Variants in MSH6 observed in about 807,000 individuals in gnomAD.
MSH6 encodes DNA mismatch repair protein Msh6.
MSH6 carries 85 observed loss-of-function variants against 119.1 expected under a neutral mutation model. The observed-to-expected ratio is 0.71, with a 90% CI of 0.60 to 0.85. MSH6 has a LOEUF of 0.85. Ranked by LOEUF, MSH6 falls within the 40% of genes least tolerant of loss-of-function variation. The pLI is 0.00. For missense variants in MSH6, 2,163 were observed against 1,655.3 expected (o/e 1.31, Z -5.32); for synonymous variants, 830 against 586.9 (o/e 1.41, Z -5.99).
Position 47,806,656 on chromosome 2 carries a change from C to CTT in MSH6, c.4001+6_4001+7insTT. The CTT allele has an allele frequency of 6.3e-7, 1 of 1,599,784 alleles. No individual in the cohort carries two copies. The highest frequency in any genetic ancestry group is 1.1e-5 in the South Asian group (1 of 90,670). ...TCAGTCACTACGATTATTTCGGTAACTAACTAACTATAATGGAATTATAAC... is the reference window on the plus strand; with the variant it reads ...TCAGTCACTACGATTATTTCGGTAACTTTAACTAACTATAATGGAATTATAAC... On this transcript the variant is annotated splice_donor_region_variant and intron_variant, in intron 9 of 9. Transcript: ENST00000234420.
chr2:47,791,141 C>A lies in MSH6; in HGVS notation c.457+18C>A. ...ATATACAGGTAAGAGTCACTACTGC[C>A]ATGTGTGTGTGTTTGTGTGTGTGTG... On this transcript the variant is annotated intron_variant, in intron 2 of 9. Coordinates refer to ENST00000234420, the MANE Select transcript of MSH6 (RefSeq NM_000179.3). The A allele has an allele frequency of 6.2e-7, 1 of 1,604,318 alleles. No homozygotes were observed. The highest frequency in any genetic ancestry group is 8.5e-7 in the Non-Finnish European group (1 of 1,172,096).
downstream of MSH6, chr2:47,809,866 G>C: frequency 1.8e-6 from 1 of 556,728 alleles, no homozygotes. Flanking sequence ...ACCACCAACA[G>C]TAACATTCAC....
chr2:47,809,821 A>C (rs984049511), downstream of MSH6: 2 of 642,274 alleles, frequency 3.1e-6, no homozygotes, highest in Non-Finnish European at 5.4e-6. Flanking sequence ...TAACCCTCTT[A>C]ATGTCTACTG....
At chr2:47,807,709 A>G (rs1336431863), downstream of MSH6, 1 of 235,768 alleles carries the variant, frequency 4.2e-6, no homozygotes, top group Non-Finnish European at 8.4e-6. Flanking sequence ...GCTAGCTCAC[A>G]TTTTTACCAT....
Position 47,791,008 on chromosome 2 carries a change from C to T in MSH6, c.342C>T (p.Pro114=), listed in dbSNP as rs1057520438. Residue 114 remains proline (P), a synonymous_variant, in exon 2 of 10, where the codon CCC becomes CCT. Coordinates refer to ENST00000234420, the MANE Select transcript of MSH6 (RefSeq NM_000179.3). ...GGCCTTGTCTGGTTTACAACCACCC[C>T]TTTGATGGAACATTCATCCGCGAGA... ...PWWPCLVYNH[P]FDGTFIREKG... The T allele has an allele frequency of 6.2e-7, 1 of 1,614,226 alleles. No homozygotes were observed. Among genetic ancestry groups the T allele is most frequent in the African/African-American group, 1.3e-5 (1 of 75,044 alleles).
intron 3 of MSH6, among the ~76,000 whole-genome samples, chr2:47,797,638 C>T (rs3136328): frequency 6.6e-6 from 1 of 152,228 alleles, no homozygotes; most frequent in Non-Finnish European, 1.5e-5. Context: ...GCAGCAATCA[C>T]TTAATCTTGT....
rs59056100 is a variant in MSH6 at position 47,806,751 on chromosome 2, CTTTTTTTTTTTTTTT to C, written c.4002-24_4002-10del. The C allele has an allele frequency of 6.9e-7, 1 of 1,444,230 alleles. No individual in the cohort carries two copies. The highest frequency in any genetic ancestry group is 9.4e-7 in the Non-Finnish European group (1 of 1,068,322). The allele number at this position is 1,444,230 out of a possible 1,614,324, so 89.5% of individuals were successfully genotyped here. A position where few individuals can be genotyped will look rare whatever the true frequency, so the allele number is the denominator to read the frequency against. ...GATGCACTATGAAAAAACAAAAAAA[CTTTTTTTTTTTTTTT>C]TTTAATTTTAAGGGAAGTTTGCCTG... On this transcript the variant is annotated splice_polypyrimidine_tract_variant and intron_variant, in intron 9 of 9. Coordinates refer to ENST00000234420, the MANE Select transcript of MSH6 (RefSeq NM_000179.3).
At chr2:47,784,114 C>T (rs2103958758) in intron 1 of MSH6, 1 of 1,004,220 alleles carries the variant, frequency 1.0e-6, no homozygotes, top group South Asian at 4.7e-5. Flanking sequence ...AGGTGAGGGG[C>T]CGCCGAGGGG....
At chr2:47,797,784 C>T (rs968983042) in intron 3 of MSH6, 76 of 200,418 alleles carry the variant, frequency 3.8e-4, no homozygotes, top group African/African-American at 1.7e-3. Context: ...ATGTTATTGT[C>T]TTCATAGTAA....
chr2:47,808,163 A>G (rs147423018), downstream of MSH6: 10 of 1,613,350 alleles, frequency 6.2e-6, no homozygotes, highest in Non-Finnish European at 8.5e-6. Flanking sequence ...GAGCAGAGTC[A>G]TATAGTGTAT....
chr2:47,807,486 G>A (rs542370649), downstream of MSH6: 2 of 206,732 alleles, frequency 9.7e-6, no homozygotes, highest in African/African-American at 4.6e-5. Context: ...TATAATTTAA[G>A]ATTAGTGTTT....
At chr2:47,793,937 G>C (rs180876358) in intron 2 of MSH6, among the ~76,000 whole-genome samples, 1 of 151,770 alleles carries the variant, frequency 6.6e-6, no homozygotes, top group Non-Finnish European at 1.5e-5. Flanking sequence ...TCACCACGTT[G>C]TCCAGGCTGG....
chr2:47,783,417 C>T lies in MSH6; in HGVS notation c.184C>T (p.Arg62Cys), dbSNP rs876659508. The stretch of plus-strand genomic sequence containing the variant: ...TGGGCCTGGGCCCAGGCCCTTGGCG[C>T]GCTCCGCGTCACCGCCCAAGGCGAA... Reference protein sequence around the residue: ...EAGPGPRPLARSASPPKAKNL... With the variant: ...EAGPGPRPLACSASPPKAKNL... Residue 62 changes from arginine to cysteine, a missense_variant, in exon 1 of 10, where the codon CGC (arginine) becomes TGC (cysteine). Coordinates refer to ENST00000234420, the MANE Select transcript of MSH6 (RefSeq NM_000179.3). 2 of 1,516,972 alleles carry T rather than the reference C, an allele frequency of 1.3e-6. No homozygotes were observed. Among genetic ancestry groups the T allele is most frequent in the Non-Finnish European group, 1.8e-6 (2 of 1,135,024 alleles). 94.0% of individuals were successfully genotyped at this position (1,516,972 alleles called of 1,614,324 possible).
At chr2:47,807,637 A>G (rs1670314092), downstream of MSH6, 1 of 222,146 alleles carries the variant, frequency 4.5e-6, no homozygotes, top group South Asian at 1.7e-4. Context: ...TTAAAGCATT[A>G]AAATCATATT....
Position 47,806,783 on chromosome 2 carries a change from G to GTT in MSH6, c.4008_4009dup (p.Cys1337PhefsTer10), listed in dbSNP as rs1553333981. Reference sequence around the variant, plus strand: ...TTTTTTTTTTTTAATTTTAAGGGAAGTTTGCCTGGCTAGTGAAAGGTCAAC... The same window carrying GTT: ...TTTTTTTTTTTTAATTTTAAGGGAAGTTTTTGCCTGGCTAGTGAAAGGTCAAC... On this transcript the variant is annotated frameshift_variant, in exon 10 of 10. Coordinates refer to ENST00000234420, the MANE Select transcript of MSH6 (RefSeq NM_000179.3). LOFTEE classifies it high-confidence loss of function. The GTT allele has an allele frequency of 1.9e-6, 3 of 1,575,708 alleles. No homozygotes were observed. Among genetic ancestry groups the GTT allele is most frequent in the Non-Finnish European group, 2.6e-6 (3 of 1,158,274 alleles).
chr2:47,804,123 C>G (rs1669800688), intron 5 of MSH6, among the ~76,000 whole-genome samples: 1 of 151,838 alleles, frequency 6.6e-6, no homozygotes, highest in Admixed American at 6.6e-5. Flanking sequence ...TTAGGGATGA[C>G]ATGCTGGCCC....
At chr2:47,793,347 A>AAAAAAT (rs1668867670) in intron 2 of MSH6, among the ~76,000 whole-genome samples, 1 of 132,918 alleles carries the variant, frequency 7.5e-6, no homozygotes, top group African/African-American at 2.8e-5. Context: ...AAAAAAAAAA[A>AAAAAAT]GGCTGGGCAC....
chr2:47,796,156 A>T, intron 3 of MSH6, 93 bp downstream of exon 3: 2 of 1,241,806 alleles, frequency 1.6e-6, no homozygotes, highest in Non-Finnish European at 2.3e-6. Flanking sequence ...TGTTTTATAT[A>T]TGTGTGTGTA....
At chr2:47,809,875 A>G, downstream of MSH6, 1 of 552,544 alleles carries the variant, frequency 1.8e-6, no homozygotes, top group Non-Finnish European at 3.2e-6. Flanking sequence ...AGTAACATTC[A>G]CTTATCAATG....
Sources: allele counts gnomAD v4.1 joint callset (sites outside exome capture counted in the v4.1 genomes callset), GRCh38; gene constraint gnomAD v4.1.1; transcripts MANE v1.5; gene names NCBI Gene and HGNC (gene_info 2026-07-23, HGNC 2026-07-21).